SLCO1B3: variants seen among roughly 807,000 people sequenced by gnomAD.
The protein encoded by SLCO1B3 is liver-specific organic anion transporter 2.
SLCO1B3 carries 72 observed loss-of-function variants against 71.8 expected under a neutral mutation model. The observed-to-expected ratio is 1.00, with a 90% confidence interval of 0.83 to 1.22. SLCO1B3 has a LOEUF of 1.22. Among genes scored for constraint, SLCO1B3 ranks in the 50% most tolerant of loss-of-function variants. The probability of loss-of-function intolerance (pLI) is 0.00; values close to 1 mark genes in which losing one functional copy is unlikely to be tolerated. For missense variants in SLCO1B3, 911 were observed against 819.7 expected, an observed-to-expected ratio of 1.11 and a Z score of -1.36; for synonymous variants, 298 against 278.4, an observed-to-expected ratio of 1.07 and a Z score of -0.70.
intron 4 of SLCO1B3, among the ~76,000 whole-genome samples, chr12:20,855,883 C>G (rs1177985133): frequency 6.6e-6 from 1 of 151,714 alleles, no homozygotes; most frequent in Non-Finnish European, 1.5e-5. Context: ...TTTTCACTTT[C>G]TAATTATTTG....
At chr12:20,901,806 C>T (rs1409017738) in intron 15 of SLCO1B3, 1 of 366,972 alleles carries the variant, frequency 2.7e-6, no homozygotes, top group South Asian at 2.0e-5. Context: ...CTGGCTTCTC[C>T]AGGAAGACAC....
chr12:20,869,807 ATCTCTGTGAG>A (rs1865446205), intron 8 of SLCO1B3, among the ~76,000 whole-genome samples: 2 of 152,210 alleles, frequency 1.3e-5, no homozygotes, highest in Non-Finnish European at 2.9e-5. Context: ...AAATGGAAAT[ATCTCTGTGAG>A]ATCCTAATTT....
At chr12:20,912,301 TTTTATTTA>T (rs142241896) in intron 15 of SLCO1B3, among the ~76,000 whole-genome samples, 1,550 of 139,668 alleles carry the variant, frequency 0.011, 35 homozygotes, top group African/African-American at 0.039. Context: ...TTATTTTTAT[TTTTATTTA>T]TTTATTTATT....
intron 8 of SLCO1B3, among the ~76,000 whole-genome samples, chr12:20,872,925 C>G (rs1360371590): frequency 1.3e-5 from 2 of 152,194 alleles, no homozygotes; most frequent in African/African-American, 4.8e-5. Flanking sequence ...CTCAAATTTT[C>G]ATGGTCATCC....
intron 3 of SLCO1B3, among the ~76,000 whole-genome samples, chr12:20,847,375 T>C (rs111944312): frequency 2.6e-5 from 4 of 152,266 alleles, no homozygotes; most frequent in African/African-American, 9.6e-5. Context: ...GAACCCTTCA[T>C]GATGGGATTT....
At chr12:20,857,554 T>C (rs1032345830) in intron 4 of SLCO1B3, among the ~76,000 whole-genome samples, 1 of 152,044 alleles carries the variant, frequency 6.6e-6, no homozygotes, top group African/African-American at 2.4e-5. Context: ...AACAACACTT[T>C]ATTGTTGTCT....
At chr12:20,901,205 T>G in intron 14 of SLCO1B3, 145 bp from the exon 15 acceptor site, 1 of 600,708 alleles carries the variant, frequency 1.7e-6, no homozygotes, top group South Asian at 2.0e-5. Flanking sequence ...TAATTTTGAT[T>G]CCTGGGTGGA....
intron 4 of SLCO1B3, among the ~76,000 whole-genome samples, chr12:20,856,411 T>G (rs1377967500): frequency 6.6e-6 from 1 of 152,092 alleles, no homozygotes; most frequent in Non-Finnish European, 1.5e-5. Context: ...TGGCCATATA[T>G]TAATAAAAAT....
chr12:20,841,481 A>C (rs1472221191), intron 3 of SLCO1B3, among the ~76,000 whole-genome samples: 1 of 147,484 alleles, frequency 6.8e-6, no homozygotes, highest in Non-Finnish European at 1.5e-5. Flanking sequence ...TCTTATTTAA[A>C]AATGTTTTCT....
intron 3 of SLCO1B3, among the ~76,000 whole-genome samples, chr12:20,848,639 AT>A (rs967860111): frequency 2.0e-4 from 30 of 152,050 alleles, no homozygotes; most frequent in Non-Finnish European, 3.8e-4. Context: ...AAACAATGTA[AT>A]TTTTTTTAGT....
intron 3 of SLCO1B3, among the ~76,000 whole-genome samples, chr12:20,828,386 A>T (rs1864471213): frequency 6.6e-6 from 1 of 151,964 alleles, no homozygotes; most frequent in Admixed American, 6.6e-5. Flanking sequence ...TTGGGGTTCC[A>T]TAAGGAAAAA....
intron 10 of SLCO1B3, among the ~76,000 whole-genome samples, chr12:20,878,533 C>A (rs940980565): frequency 6.6e-6 from 1 of 151,972 alleles, no homozygotes; most frequent in African/African-American, 2.4e-5. Flanking sequence ...TTGTAGAAAC[C>A]TTGTAGAAAT....
At chr12:20,903,973 C>T (rs546148573) in intron 15 of SLCO1B3, among the ~76,000 whole-genome samples, 1 of 152,280 alleles carries the variant, frequency 6.6e-6, no homozygotes, top group South Asian at 2.1e-4. Context: ...GGCGCGGTGG[C>T]TCATGCCTGT....
At chr12:20,840,428 G>C (rs974688146) in intron 3 of SLCO1B3, among the ~76,000 whole-genome samples, 30 of 143,352 alleles carry the variant, frequency 2.1e-4, no homozygotes, top group Admixed American at 7.1e-5. Context: ...GTCTCACTCT[G>C]TTGCCCAGGC....
intron 8 of SLCO1B3, among the ~76,000 whole-genome samples, chr12:20,865,305 A>G (rs1865350105): frequency 2.0e-5 from 3 of 152,176 alleles, no homozygotes; most frequent in African/African-American, 7.2e-5. Flanking sequence ...ACATAAATCA[A>G]TTTTAAAACC....
chr12:20,887,582 G>A (rs980447053), intron 13 of SLCO1B3, among the ~76,000 whole-genome samples: 1 of 151,050 alleles, frequency 6.6e-6, no homozygotes, highest in Non-Finnish European at 1.5e-5. Flanking sequence ...TTTTTTTATT[G>A]AGTTGTTTGA....
At chr12:20,823,203 G>A (rs540515210) in intron 3 of SLCO1B3, among the ~76,000 whole-genome samples, 176 of 152,074 alleles carry the variant, frequency 1.2e-3, no homozygotes, top group South Asian at 2.3e-3. Context: ...TGTATAAATC[G>A]GTTTCTGTTA....
In SLCO1B3 at chr12:20,828,955, C is replaced by T. The variant is rs369838099; in HGVS notation, c.84+13133C>T. The stretch of plus-strand genomic sequence containing the variant: ...AATGGCCCTGTTATGTACATAAAAG[C>T]CCCTCAGGTAATTTTTTCCTTTTGC... On this transcript the variant is annotated intron_variant, in intron 3 of 15. Coordinates refer to ENST00000381545, the MANE Select transcript of SLCO1B3 (RefSeq NM_019844.4). Among the ~76,000 whole-genome samples, 163 of 122,048 alleles carry T rather than the reference C, an allele frequency of 1.3e-3. 4 individuals carry two copies. In the South Asian group the frequency reaches 0.038, roughly 28 times the overall value. The allele number at this position is 122,048 out of a possible 152,430, so 80.1% of individuals were successfully genotyped here.
intron 8 of SLCO1B3, among the ~76,000 whole-genome samples, chr12:20,869,375 T>C (rs139036741): frequency 2.6e-3 from 386 of 149,724 alleles, no homozygotes; most frequent in African/African-American, 9.1e-3. Flanking sequence ...TGGCCTGGCT[T>C]TTCCTAGGTT....
Sources: gnomAD v4.1 joint callset for allele counts (sites outside exome capture counted in the v4.1 genomes callset) on GRCh38, gnomAD v4.1.1 for gene constraint, MANE v1.5 for transcripts, NCBI Gene and HGNC (gene_info 2026-07-23, HGNC 2026-07-21) for gene names.